Variants in GPC5 observed in about 807,000 individuals in gnomAD.
GPC5 encodes the protein glypican-5.
In GPC5, 47 loss-of-function variants were observed where a neutral mutation model predicts 53.9. That is an observed-to-expected ratio of 0.87 (90% CI 0.69 to 1.11). The LOEUF (loss-of-function observed/expected upper bound fraction) is 1.11, where lower values mean the gene tolerates loss of function less well. Ranked by LOEUF, GPC5 falls within the 50% of genes most tolerant of loss-of-function variation. The pLI, the probability that GPC5 is intolerant of heterozygous loss-of-function variation, is 0.00. For missense variants in GPC5, 748 were observed against 713.1 expected, an observed-to-expected ratio of 1.05 and a Z score of -0.56; for synonymous variants, 286 against 263.3, an observed-to-expected ratio of 1.09 and a Z score of -0.84.
intron 6 of GPC5, among the ~76,000 whole-genome samples, chr13:92,061,468 C>CCT (rs1386047112): frequency 6.6e-6 from 1 of 151,986 alleles, no homozygotes; most frequent in African/African-American, 2.4e-5. Context: ...CATAGGCAGC[C>CCT]ATCTTATTCA....
At chr13:91,707,961 TA>T (rs2036143133) in intron 3 of GPC5, among the ~76,000 whole-genome samples, 1 of 152,212 alleles carries the variant, frequency 6.6e-6, no homozygotes, top group South Asian at 2.1e-4. Flanking sequence ...TATAATGGAA[TA>T]TTTTTTGGTA....
chr13:91,474,316 A>G (rs1882802439), intron 2 of GPC5, among the ~76,000 whole-genome samples: 1 of 152,142 alleles, frequency 6.6e-6, no homozygotes, highest in Admixed American at 6.6e-5. Context: ...CCTGAAGTGA[A>G]GTTGGTTTCT....
At position 91,841,910 on chromosome 13, in the gene GPC5, A is replaced by G. The variant is rs1353928507; in HGVS notation, c.1281-66027A>G. ...TGAGATATTTTAGTCAACTGGACTT[A>G]GTAGTGATTCACACTCTCCACAGCA... is the stretch of plus-strand genomic sequence containing the variant. On this transcript the variant is annotated intron_variant, in intron 5 of 7. Coordinates refer to ENST00000377067, the MANE Select transcript of GPC5 (RefSeq NM_004466.6). 2.0e-5 allele frequency among the ~76,000 whole-genome samples: 3 copies of G among 152,184 alleles called. No homozygotes were observed. The East Asian group carries it at 5.8e-4, about 29-fold the overall frequency.
chr13:92,307,855 A>G (rs1455135234), intron 7 of GPC5, among the ~76,000 whole-genome samples: 1 of 152,260 alleles, frequency 6.6e-6, no homozygotes, highest in Non-Finnish European at 1.5e-5. Flanking sequence ...TGGTTAAATT[A>G]CTTGCCCCCT....
intron 5 of GPC5, among the ~76,000 whole-genome samples, chr13:91,822,102 G>C (rs1454530006): frequency 6.6e-6 from 1 of 152,146 alleles, no homozygotes; most frequent in Non-Finnish European, 1.5e-5. Context: ...CATAGAGTGG[G>C]ATTTCCTAGA....
At position 92,345,314 on chromosome 13, in the gene GPC5, T is replaced by C. The variant is rs569447013; in HGVS notation, c.1561+200325T>C. On this transcript the variant is annotated intron_variant, in intron 7 of 7. Transcript: ENST00000377067. ...GGCATTTAAAAATATAAAAGACAGATTGAATGTACGTAATATAAAGTATAC... is the reference window on the plus strand; with the variant it reads ...GGCATTTAAAAATATAAAAGACAGACTGAATGTACGTAATATAAAGTATAC... Among the ~76,000 whole-genome samples, 11 of 152,200 alleles carry C rather than the reference T, an allele frequency of 7.2e-5. No individual in the cohort carries two copies. The East Asian group carries it at 2.1e-3, about 29-fold the overall frequency.
rs71113766 is a variant in GPC5 at position 91,813,920 on chromosome 13, ATTTTTTTTTTTTTT to A, written c.1280+57517_1280+57530del. ...TTAGACTGTTGGATTATCTTAACTG[ATTTTTTTTTTTTTT>A]TTTTTTTTTTTTTTTTGAGACAGAG... On this transcript the variant is annotated intron_variant, in intron 5 of 7. Transcript: ENST00000377067. Among the ~76,000 whole-genome samples, 72 of 72,640 alleles carry A rather than the reference ATTTTTTTTTTTTTT, an allele frequency of 9.9e-4. 1 individual carries two copies. The highest frequency in any genetic ancestry group is 0.023 in the Middle Eastern group (2 of 86). 47.7% of individuals were successfully genotyped at this position (72,640 alleles called of 152,430 possible). A position where few individuals can be genotyped will look rare whatever the true frequency, so the allele number is the denominator to read the frequency against.
chr13:91,669,600 G>T (rs931008592), intron 2 of GPC5, among the ~76,000 whole-genome samples: 2 of 152,170 alleles, frequency 1.3e-5, no homozygotes, highest in Non-Finnish European at 2.9e-5. Flanking sequence ...GACGATAACA[G>T]CTGAAATGGC....
intron 7 of GPC5, among the ~76,000 whole-genome samples, chr13:92,465,686 T>C (rs1878663795): frequency 6.6e-6 from 1 of 152,092 alleles, no homozygotes; most frequent in South Asian, 2.1e-4. Context: ...TCTTTTTTTT[T>C]CTGAAAAAGT....
chr13:92,649,916 G>A (rs943075649), intron 7 of GPC5, among the ~76,000 whole-genome samples: 1 of 152,020 alleles, frequency 6.6e-6, no homozygotes, highest in Non-Finnish European at 1.5e-5. Flanking sequence ...TGCTAGGCTA[G>A]GCAAGTCCAT....
chr13:92,615,777 G>A (rs1884663168), intron 7 of GPC5, among the ~76,000 whole-genome samples: 1 of 152,082 alleles, frequency 6.6e-6, no homozygotes, highest in Admixed American at 6.5e-5. Context: ...CTACCAGGCT[G>A]GGCGCGGTGG....
intron 6 of GPC5, among the ~76,000 whole-genome samples, chr13:91,930,287 A>C (rs1391388024): frequency 6.6e-6 from 1 of 152,060 alleles, no homozygotes; most frequent in Non-Finnish European, 1.5e-5. Flanking sequence ...ATGTTTAAAA[A>C]ATTATAGAAG....
intron 7 of GPC5, among the ~76,000 whole-genome samples, chr13:92,247,440 A>G (rs1336337907): frequency 6.6e-6 from 1 of 152,128 alleles, no homozygotes; most frequent in Non-Finnish European, 1.5e-5. Context: ...TGGTGACACT[A>G]GTATATAATT....
intron 2 of GPC5, among the ~76,000 whole-genome samples, chr13:91,658,883 A>T (rs2034914923): frequency 1.3e-5 from 2 of 151,866 alleles, no homozygotes; most frequent in Admixed American, 1.3e-4. Flanking sequence ...ATCTCAGCTC[A>T]TGACACTAGT....
chr13:91,533,086 C>T lies in GPC5; in HGVS notation c.325+84164C>T, dbSNP rs538488466. Among the ~76,000 whole-genome samples, 6 of 152,220 alleles carry T rather than the reference C, an allele frequency of 3.9e-5. No individual in the cohort carries two copies. In the South Asian group the frequency reaches 1.2e-3, roughly 32 times the overall value. On this transcript the variant is annotated intron_variant, in intron 2 of 7. Coordinates refer to ENST00000377067, the MANE Select transcript of GPC5 (RefSeq NM_004466.6). ...TTGAGAATCTGAAGTTAGATGAAGTCTGTGAATTTATTGGAAAGATGATTT... is the reference window on the plus strand; with the variant it reads ...TTGAGAATCTGAAGTTAGATGAAGTTTGTGAATTTATTGGAAAGATGATTT...
At chr13:91,579,775 C>T (rs549382610) in intron 2 of GPC5, among the ~76,000 whole-genome samples, 3 of 151,572 alleles carry the variant, frequency 2.0e-5, no homozygotes, top group African/African-American at 2.4e-5. Context: ...ATTACAGGCA[C>T]CTGCCACTAC....
At chr13:92,177,058 T>C (rs1251107427) in intron 7 of GPC5, among the ~76,000 whole-genome samples, 1 of 152,166 alleles carries the variant, frequency 6.6e-6, no homozygotes, top group African/African-American at 2.4e-5. Flanking sequence ...TTTCCATCAT[T>C]GTTTTGATTG....
intron 7 of GPC5, among the ~76,000 whole-genome samples, chr13:92,587,256 T>G (rs997921221): frequency 1.3e-5 from 2 of 152,214 alleles, no homozygotes; most frequent in Non-Finnish European, 2.9e-5. Context: ...AGAAAGTTAA[T>G]AACTACTTAC....
rs1254411039 is a variant in GPC5 at position 92,159,818 on chromosome 13, A to G, written c.1561+14829A>G. On this transcript the variant is annotated intron_variant, in intron 7 of 7. Coordinates refer to ENST00000377067, the MANE Select transcript of GPC5 (RefSeq NM_004466.6). ...GGGGTTTCACTGTGTTAGCCAGGAT[A>G]GTCTCGATCTCCTGACCTCGTGATC... Among the ~76,000 whole-genome samples the G allele has an allele frequency of 2.6e-5, 4 of 151,546 alleles. No individual in the cohort carries two copies. The South Asian group carries it at 6.3e-4, about 24-fold the overall frequency.
Sources: gnomAD v4.1 joint callset for allele counts (sites outside exome capture counted in the v4.1 genomes callset) on GRCh38, gnomAD v4.1.1 for gene constraint, MANE v1.5 for transcripts, NCBI Gene and HGNC (gene_info 2026-07-23, HGNC 2026-07-21) for gene names.